CCDC102A: variants seen among roughly 807,000 people sequenced by gnomAD.
The protein encoded by CCDC102A is coiled-coil domain-containing protein 102A.
A neutral mutation model predicts 55.5 loss-of-function variants in CCDC102A; 40 were observed. The ratio of observed to expected loss-of-function variants is 0.72; its 90% confidence interval spans 0.56 to 0.94. CCDC102A has a LOEUF of 0.94. Among genes scored for constraint, CCDC102A ranks in the 40% least tolerant of loss-of-function variants. The probability of loss-of-function intolerance (pLI) is 0.00; values close to 1 mark genes in which losing one functional copy is unlikely to be tolerated. For missense variants in CCDC102A, 779 were observed against 768.6 expected (o/e 1.01, Z -0.16); for synonymous variants, 323 against 339.0 (o/e 0.95, Z 0.52).
rs568309798 is a variant in CCDC102A, at chr16:57,512,836, C to T, written c.1558G>A (p.Gly520Arg). The stretch of plus-strand genomic sequence containing the variant: ...CCAAAGCGAGCACTGCGGATCTTCC[C>T]GAAGAGGGGAGCGTTCTGCTGCTGC... ...RRQQQNAPLF[G>R]KIRSARFGTE... is the part of the protein sequence containing the mutation. The change falls in exon 9 of 9, where the codon GGG (glycine) becomes AGG (arginine). Residue 520 changes from glycine (G) to arginine (R), a missense_variant. Transcript: ENST00000258214. The T allele has an allele frequency of 4.3e-6, 7 of 1,614,040 alleles. No homozygotes were observed. The highest frequency in any genetic ancestry group is 1.3e-5 in the African/African-American group (1 of 75,044).
rs552826294 is a variant in CCDC102A at position 57,512,834 on chromosome 16, C to T, written c.1560G>A (p.Gly520=). The T allele has an allele frequency of 5.6e-6, 9 of 1,614,068 alleles. No individual in the cohort carries two copies. In the African/African-American group the frequency reaches 6.7e-5, roughly 12 times the overall value. ...TGCCAAAGCGAGCACTGCGGATCTT[C>T]CCGAAGAGGGGAGCGTTCTGCTGCT... ...RRQQQNAPLF[G]KIRSARFGTE... Residue 520 remains glycine (G), a synonymous_variant, in exon 9 of 9, where the codon GGG becomes GGA. Coordinates refer to ENST00000258214, the MANE Select transcript of CCDC102A (RefSeq NM_033212.4).
Position 57,512,651 on chromosome 16 carries a change from G to A in CCDC102A, c.*90C>T, listed in dbSNP as rs2031885580. 1 of 1,489,956 alleles carries A rather than the reference G, an allele frequency of 6.7e-7. No homozygotes were observed. The highest frequency in any genetic ancestry group is 9.0e-7 in the Non-Finnish European group (1 of 1,109,980). 92.3% of individuals were successfully genotyped at this position (1,489,956 alleles called of 1,614,324 possible). On this transcript the variant is annotated 3_prime_UTR_variant, in exon 9 of 9. Coordinates refer to ENST00000258214, the MANE Select transcript of CCDC102A (RefSeq NM_033212.4). ...CTGTGGCAGGGACTGGTCCCAGAGT[G>A]AGCCTAGGCACTGCATCAGTTTGAG...
chr16:57,524,682 A>G lies in CCDC102A; in HGVS notation c.812+1219T>C, dbSNP rs147701294. ...CGGAATCCCAAAGTGCTATGATTAC[A>G]GACATGAGTCACTGCACCTGGCCAT... is the stretch of plus-strand genomic sequence containing the variant. On this transcript the variant is annotated intron_variant, in intron 3 of 8. Transcript: ENST00000258214. Among the ~76,000 whole-genome samples the G allele has an allele frequency of 1.0e-3, 159 of 152,234 alleles. 1 individual carries two copies. The highest frequency in any genetic ancestry group is 3.7e-3 in the African/African-American group (152 of 41,482).
chr16:57,518,649 C>G lies in CCDC102A; in HGVS notation c.1014G>C (p.Arg338=). The part of the protein sequence containing the change: ...DELGARSSMD[R]KMAELRGEME... ...CCTCGCCCCTCAGCTCGGCCATTTT[C>G]CGGTCCATGCTGGAGCGTGCACCGA... Residue 338 remains arginine (R), a synonymous_variant, in exon 5 of 9, where the codon CGG becomes CGC. Transcript: ENST00000258214. The G allele has an allele frequency of 6.2e-7, 1 of 1,613,754 alleles. No homozygotes were observed. The highest frequency in any genetic ancestry group is 8.5e-7 in the Non-Finnish European group (1 of 1,179,894).
intron 5 of CCDC102A, 149 bp downstream of exon 5, chr16:57,518,476 G>A (rs2031995993): frequency 1.3e-6 from 1 of 792,096 alleles, no homozygotes; most frequent in Non-Finnish European, 2.1e-6. Context: ...AGAGAGGCCT[G>A]CCTCTTGCAG....
At chr16:57,526,514 T>G (rs1251775320) in intron 2 of CCDC102A, among the ~76,000 whole-genome samples, 1 of 152,214 alleles carries the variant, frequency 6.6e-6, no homozygotes, top group Non-Finnish European at 1.5e-5. Context: ...TCCTGTTTTT[T>G]CAGGGGCAAA....
At chr16:57,528,041 G>A (rs1249982845) in intron 2 of CCDC102A, among the ~76,000 whole-genome samples, 2 of 152,168 alleles carry the variant, frequency 1.3e-5, no homozygotes, top group Admixed American at 1.3e-4. Flanking sequence ...TCGACTTCCT[G>A]GGCTCAAGGG....
rs530075464 is a variant in CCDC102A at position 57,531,951 on chromosome 16, G to A, written c.-147-2627C>T. ...CATGACCTTTTGTCAAGGTTCCTCC[G>A]TGCTGCTCAGCGACCCCGCTGCATT... is the stretch of plus-strand genomic sequence containing the variant. On this transcript the variant is annotated intron_variant, in intron 1 of 8. Coordinates refer to ENST00000258214, the MANE Select transcript of CCDC102A (RefSeq NM_033212.4). Among the ~76,000 whole-genome samples the A allele has an allele frequency of 1.6e-4, 24 of 152,282 alleles. No individual in the cohort carries two copies. In the South Asian group the frequency reaches 3.1e-3, roughly 20 times the overall value.
At position 57,526,047 on chromosome 16, in the gene CCDC102A, AG is replaced by A. The variant is rs1357142778; in HGVS notation, c.665del (p.Ala222ValfsTer31). The A allele has an allele frequency of 6.3e-7, 1 of 1,595,036 alleles. No homozygotes were observed. The highest frequency in any genetic ancestry group is 1.8e-5 in the Admixed American group (1 of 56,620). ...EDCWEARSLG[A>X]GGPRGSSGRQ... The stretch of plus-strand genomic sequence containing the variant: ...GGCCTGAGCTGCCCCGCGGGCCCCC[AG>A]CCCCCAGGCTGCGCGCCTCCCAGCA... On this transcript the variant is annotated frameshift_variant, in exon 3 of 9. Coordinates refer to ENST00000258214, the MANE Select transcript of CCDC102A (RefSeq NM_033212.4). LOFTEE classifies it high-confidence loss of function.
upstream of CCDC102A, chr16:57,536,638 C>G (rs1352604371): frequency 6.6e-6 from 1 of 152,146 alleles, no homozygotes; most frequent in African/African-American, 2.4e-5. Flanking sequence ...GGAGGGGAAG[C>G]AGGGGGAGCG....
chr16:57,531,328 C>T (rs530181021), intron 1 of CCDC102A, among the ~76,000 whole-genome samples: 1 of 151,998 alleles, frequency 6.6e-6, no homozygotes, highest in South Asian at 2.1e-4. Flanking sequence ...GCTTTGAAGG[C>T]ACCCTGAAAT....
rs1181032021 is a variant in CCDC102A at position 57,529,168 on chromosome 16, C to T, written c.10G>A (p.Gly4Arg). 3.4e-6 allele frequency: 4 copies of T among 1,183,310 alleles called. No individual in the cohort carries two copies. The highest frequency in any genetic ancestry group is 4.5e-5 in the Admixed American group (1 of 22,140). The allele number at this position is 1,183,310 out of a possible 1,614,324, so 73.3% of individuals were successfully genotyped here. Reference protein sequence around the residue: MSHGPSPRLAESPQ... With the variant: MSHRPSPRLAESPQ... ...GACTCGGCCAGCCGGGGGCTGGGCC[C>T]GTGGCTCATGGTGCGGCCGGGCGGG... is the stretch of plus-strand genomic sequence containing the variant. Residue 4 changes from glycine to arginine, a missense_variant, in exon 2 of 9, where the codon GGG (glycine) becomes AGG (arginine). Physicochemically the swap from Gly to Arg is moderately radical, Grantham distance 125. Coordinates refer to ENST00000258214, the MANE Select transcript of CCDC102A (RefSeq NM_033212.4). This position sits in a 1 kb window ranked among gnomAD's most constrained non-coding sequence, Gnocchi z 4.1.
intron 8 of CCDC102A, among the ~76,000 whole-genome samples, chr16:57,515,024 G>A (rs1215939575): frequency 2.0e-5 from 3 of 152,120 alleles, no homozygotes; most frequent in African/African-American, 4.8e-5. Context: ...GCCTATTTGA[G>A]CCCTGCTGGC....
At chr16:57,532,696 CAG>C (rs2032289199) in intron 1 of CCDC102A, among the ~76,000 whole-genome samples, 1 of 54,188 alleles carries the variant, frequency 1.8e-5, no homozygotes, top group South Asian at 8.3e-4. Flanking sequence ...CCAAGTGAAG[CAG>C]ACACACACAC....
At chr16:57,536,076 C>A (rs1242714822) in intron 1 of CCDC102A, among the ~76,000 whole-genome samples, 2 of 152,198 alleles carry the variant, frequency 1.3e-5, no homozygotes, top group East Asian at 1.9e-4. Flanking sequence ...CCGCATGGCC[C>A]CCATTGGCAG....
intron 1 of CCDC102A, among the ~76,000 whole-genome samples, chr16:57,532,712 C>G (rs1228026302): frequency 2.6e-5 from 4 of 151,278 alleles, no homozygotes; most frequent in African/African-American, 9.7e-5. Flanking sequence ...CACACACACA[C>G]ACACACACAC....
chr16:57,526,623 C>T (rs1363635461), intron 2 of CCDC102A, among the ~76,000 whole-genome samples: 5 of 152,142 alleles, frequency 3.3e-5, no homozygotes, highest in Non-Finnish European at 2.9e-5. Context: ...AACCCAGGGC[C>T]GAGCCCCTTT....
chr16:57,513,005 T>G, intron 8 of CCDC102A, 135 bp from the exon 9 acceptor site: 1 of 676,426 alleles, frequency 1.5e-6, no homozygotes, highest in Non-Finnish European at 2.5e-6. Flanking sequence ...AATCTCCTTA[T>G]ATGATAGAAG....
chr16:57,517,541 G>C (rs149411607), intron 6 of CCDC102A, among the ~76,000 whole-genome samples: 2 of 152,092 alleles, frequency 1.3e-5, no homozygotes, highest in East Asian at 3.9e-4. Context: ...ATGGGGTTTC[G>C]CCATGTTAGC....
Sources: gnomAD v4.1 joint callset for allele counts (sites outside exome capture counted in the v4.1 genomes callset) on GRCh38, gnomAD v4.1.1 for gene constraint, Gnocchi (gnomAD v3.1) non-coding constraint, MANE v1.5 for transcripts, NCBI Gene and HGNC (gene_info 2026-07-23, HGNC 2026-07-21) for gene names.